The following SQOR variants were observed in gnomAD, a reference collection of about 807,000 sequenced individuals.
The protein encoded by SQOR is sulfide:quinone oxidoreductase, mitochondrial.
A neutral mutation model predicts 48.6 loss-of-function variants in SQOR; 39 were observed. The observed-to-expected ratio is 0.80, with a 90% CI of 0.62 to 1.05. The LOEUF (loss-of-function observed/expected upper bound fraction) is 1.05. Among genes scored for constraint, SQOR ranks in the 50% least tolerant of loss-of-function variants. SQOR has a pLI of 0.00. For missense variants in SQOR, 561 were observed against 559.9 expected (o/e 1.00, Z -0.02); for synonymous variants, 220 against 206.2 (o/e 1.07, Z -0.57).
chr15:45,644,131 A>G (rs1290975137), intron 1 of SQOR, among the ~76,000 whole-genome samples: 1 of 151,916 alleles, frequency 6.6e-6, no homozygotes, highest in Non-Finnish European at 1.5e-5. Context: ...TGTTGTGCCC[A>G]GGCTGGAGTG....
intron 2 of SQOR, among the ~76,000 whole-genome samples, chr15:45,659,603 C>G (rs1889684914): frequency 6.6e-6 from 1 of 152,148 alleles, no homozygotes. Flanking sequence ...CCTTGCCACT[C>G]TCTGGCTTGT....
chr15:45,667,360 T>C (rs2140952773), intron 3 of SQOR, among the ~76,000 whole-genome samples: 1 of 152,090 alleles, frequency 6.6e-6, no homozygotes. Flanking sequence ...AGTCTAGAGT[T>C]TTGCAAAGGA....
At chr15:45,683,497 T>C (rs1013441602) in intron 7 of SQOR, among the ~76,000 whole-genome samples, 6 of 152,188 alleles carry the variant, frequency 3.9e-5, no homozygotes, top group African/African-American at 1.4e-4. Context: ...TGGGGAGAAT[T>C]GCCTTTTAGA....
At position 45,659,102 on chromosome 15, in the gene SQOR, C is replaced by A; in HGVS notation, c.179C>A (p.Ala60Asp). ...GGGSGGITMA[A>D]RMKRKVGAEN... ...GGCAGTGGCGGAATCACCATGGCTG[C>A]CCGCATGAAGAGGAAAGTGGGTGCA... The change falls in exon 2 of 10, where the codon GCC becomes GAC. Residue 60 changes from alanine to aspartate, a missense_variant. Ala to Asp is a moderately radical substitution (Grantham distance 126, BLOSUM62 -2). Coordinates refer to ENST00000260324, the MANE Select transcript of SQOR (RefSeq NM_021199.4). 1 of 1,582,722 alleles carries A rather than the reference C, an allele frequency of 6.3e-7. No homozygotes were observed. The highest frequency in any genetic ancestry group is 1.3e-5 in the African/African-American group (1 of 74,710).
At position 45,688,339 on chromosome 15, in the gene SQOR, G is replaced by A; in HGVS notation, c.1051G>A (p.Ala351Thr). The stretch of plus-strand genomic sequence containing the variant: ...TGACTTTCCCATTTCTCTTATAGCT[G>A]CCCAGTCAGGAATACTTGATAGGAC... The part of the protein sequence containing the change: ...PTSKTAAAVA[A>T]QSGILDRTIS... The change falls in exon 8 of 10, where the codon GCC becomes ACC. Residue 351 changes from alanine to threonine, a missense_variant and splice_region_variant. Physicochemically the swap from Ala to Thr is moderately conservative, Grantham distance 58. Coordinates refer to ENST00000260324, the MANE Select transcript of SQOR (RefSeq NM_021199.4). 1 of 1,600,496 alleles carries A rather than the reference G, an allele frequency of 6.2e-7. No individual in the cohort carries two copies.
At chr15:45,649,113 T>A (rs925627575) in intron 1 of SQOR, among the ~76,000 whole-genome samples, 1 of 152,238 alleles carries the variant, frequency 6.6e-6, no homozygotes, top group African/African-American at 2.4e-5. Flanking sequence ...AACCATGTCA[T>A]GTGACATAAG....
chr15:45,647,762 A>T (rs1889368980), intron 1 of SQOR, among the ~76,000 whole-genome samples: 1 of 152,084 alleles, frequency 6.6e-6, no homozygotes, highest in Admixed American at 6.5e-5. Context: ...CTAAAAGTAG[A>T]AAAATTAGCT....
rs755505446 is a variant in SQOR, at chr15:45,682,506, T to C, written c.893T>C (p.Met298Thr). ...GAAATGCTTCATGTCACACCTCCAA[T>C]GAGCCCACCAGATGTCCTCAAGACC... ...SYEMLHVTPPMSPPDVLKTSP... is the reference protein window; with the variant it reads ...SYEMLHVTPPTSPPDVLKTSP... The change falls in exon 7 of 10, where the codon ATG (methionine) becomes ACG (threonine). Residue 298 changes from methionine (M) to threonine (T), a missense_variant. Coordinates refer to ENST00000260324, the MANE Select transcript of SQOR (RefSeq NM_021199.4). The C allele has an allele frequency of 1.2e-6, 2 of 1,614,202 alleles. No homozygotes were observed. Among genetic ancestry groups the C allele is most frequent in the Non-Finnish European group, 1.7e-6 (2 of 1,180,026 alleles).
intron 7 of SQOR, among the ~76,000 whole-genome samples, chr15:45,683,853 TATG>T (rs1251929486): frequency 1.3e-5 from 2 of 150,550 alleles, no homozygotes; most frequent in Non-Finnish European, 2.9e-5. Context: ...ATGTATATAT[TATG>T]TGTGTGTGTG....
At chr15:45,684,872 A>C (rs1018960238) in intron 7 of SQOR, among the ~76,000 whole-genome samples, 2 of 152,196 alleles carry the variant, frequency 1.3e-5, no homozygotes, top group African/African-American at 4.8e-5. Flanking sequence ...CCTGCAGTGC[A>C]TCTGCGTGGC....
At chr15:45,661,898 T>A (rs1889727175) in intron 2 of SQOR, 57 bp from the exon 3 acceptor site, 1 of 1,540,832 alleles carries the variant, frequency 6.5e-7, no homozygotes, top group African/African-American at 1.4e-5. Context: ...CTGTTAGCTA[T>A]GACCCCTTTT....
At chr15:45,637,121 A>C (rs1413330912) in intron 1 of SQOR, among the ~76,000 whole-genome samples, 1 of 151,932 alleles carries the variant, frequency 6.6e-6, no homozygotes, top group Non-Finnish European at 1.5e-5. Flanking sequence ...AGCTGGGATT[A>C]CACCAGCCAC....
At chr15:45,667,902 A>C (rs1889864216) in intron 3 of SQOR, among the ~76,000 whole-genome samples, 1 of 147,758 alleles carries the variant, frequency 6.8e-6, no homozygotes, top group Admixed American at 6.7e-5. Flanking sequence ...AGAAGATGGA[A>C]TTTCAATACA....
rs1270805221 is a variant in SQOR, at chr15:45,669,975, T to C, written c.453T>C (p.Tyr151=). Residue 151 remains tyrosine (Y), a synonymous_variant, in exon 4 of 10, where the codon TAT becomes TAC. Transcript: ENST00000260324. ...LIIALGIQLD[Y]EKIKGLPEGF... is the part of the protein sequence containing the mutation. ...TTGCTCTCGGAATCCAGCTGGACTATGAGAAGGTACCGTGTGAAACTGTTT... is the reference window on the plus strand; with the variant it reads ...TTGCTCTCGGAATCCAGCTGGACTACGAGAAGGTACCGTGTGAAACTGTTT... The C allele has an allele frequency of 2.5e-6, 4 of 1,613,542 alleles. No individual in the cohort carries two copies. Among genetic ancestry groups the C allele is most frequent in the Non-Finnish European group, 1.7e-6 (2 of 1,179,438 alleles).
At chr15:45,636,858 A>C (rs1474671034) in intron 1 of SQOR, among the ~76,000 whole-genome samples, 2 of 152,180 alleles carry the variant, frequency 1.3e-5, no homozygotes, top group African/African-American at 4.8e-5. Context: ...TAAAGATGTA[A>C]AATACTTTTC....
intron 1 of SQOR, among the ~76,000 whole-genome samples, chr15:45,651,763 C>T (rs1286348506): frequency 1.3e-5 from 2 of 152,102 alleles, no homozygotes; most frequent in African/African-American, 4.8e-5. Flanking sequence ...GCCACCGTAC[C>T]CGGCCTTGAT....
At chr15:45,641,786 T>C (rs1002036943) in intron 1 of SQOR, among the ~76,000 whole-genome samples, 4 of 152,208 alleles carry the variant, frequency 2.6e-5, no homozygotes, top group African/African-American at 9.7e-5. Context: ...CTTTGAGTAA[T>C]TCTAGTATTG....
chr15:45,635,321 C>T (rs1315622394), intron 1 of SQOR, among the ~76,000 whole-genome samples: 1 of 152,244 alleles, frequency 6.6e-6, no homozygotes, highest in African/African-American at 2.4e-5. Flanking sequence ...TCTTGGGACT[C>T]TTGCTTCCTT....
chr15:45,680,880 A>G (rs1271066674), intron 6 of SQOR, among the ~76,000 whole-genome samples: 1 of 152,160 alleles, frequency 6.6e-6, no homozygotes, highest in Non-Finnish European at 1.5e-5. Context: ...AACTCCACCG[A>G]GATGACTCTA....
Sources: allele counts gnomAD v4.1 joint callset (sites outside exome capture counted in the v4.1 genomes callset), GRCh38; gene constraint gnomAD v4.1.1; transcripts MANE v1.5; gene names NCBI Gene and HGNC (gene_info 2026-07-23, HGNC 2026-07-21).